Variants in NCALD observed in about 807,000 individuals in gnomAD.
NCALD encodes the protein neurocalcin-delta.
In NCALD, 10 loss-of-function variants were observed where a neutral mutation model predicts 18.6. The ratio of observed to expected loss-of-function variants is 0.54; its 90% CI spans 0.33 to 0.91. The LOEUF (loss-of-function observed/expected upper bound fraction) is 0.91, where lower values mean the gene tolerates loss of function less well. Ranked by LOEUF, NCALD falls within the 40% of genes least tolerant of loss-of-function variation. The pLI, the probability that NCALD is intolerant of heterozygous loss-of-function variation, is 0.03. For synonymous variants in NCALD, 88 were observed against 87.4 expected (o/e 1.01, Z -0.04); for missense variants, 184 against 247.6 (o/e 0.74, Z 1.72).
chr8:101,806,136 G>A (rs1813092025), intron 4 of NCALD, among the ~76,000 whole-genome samples: 1 of 152,022 alleles, frequency 6.6e-6, no homozygotes. Context: ...TTGCAGTGTA[G>A]GGAAAATAGA....
At chr8:102,062,652 T>C (rs1167372300) in intron 1 of NCALD, among the ~76,000 whole-genome samples, 2 of 152,244 alleles carry the variant, frequency 1.3e-5, no homozygotes, top group Non-Finnish European at 2.9e-5. Context: ...GATCTGTCGG[T>C]TGGCTAGAGT....
chr8:101,999,094 A>G (rs1436543456), intron 2 of NCALD, among the ~76,000 whole-genome samples: 1 of 145,398 alleles, frequency 6.9e-6, no homozygotes, highest in Non-Finnish European at 1.5e-5. Context: ...AAAAAAAAAA[A>G]AGCCCAAGAA....
At chr8:101,977,416 G>A (rs1820464197) in intron 2 of NCALD, among the ~76,000 whole-genome samples, 1 of 149,260 alleles carries the variant, frequency 6.7e-6, no homozygotes, top group Non-Finnish European at 1.5e-5. Flanking sequence ...CCATCCCTTA[G>A]GACATTTTTG....
intron 1 of NCALD, among the ~76,000 whole-genome samples, chr8:102,086,452 A>G (rs774055894): frequency 4.6e-5 from 7 of 152,134 alleles, no homozygotes; most frequent in Non-Finnish European, 8.8e-5. Context: ...ACACATCTAT[A>G]CCATCATTAT....
chr8:101,929,579 G>A (rs1818490333), intron 2 of NCALD, among the ~76,000 whole-genome samples: 1 of 75,108 alleles, frequency 1.3e-5, no homozygotes, highest in Non-Finnish European at 2.7e-5. Flanking sequence ...GAAGGAGGGA[G>A]GGAAGGAAGG....
intron 2 of NCALD, among the ~76,000 whole-genome samples, chr8:101,925,367 A>G (rs1310766734): frequency 6.6e-6 from 1 of 152,080 alleles, no homozygotes; most frequent in African/African-American, 2.4e-5. Flanking sequence ...TAAGGTGCTC[A>G]CTTCAGAAGG....
intron 4 of NCALD, among the ~76,000 whole-genome samples, chr8:101,832,904 C>T (rs929972518): frequency 6.6e-6 from 1 of 152,224 alleles, no homozygotes; most frequent in African/African-American, 2.4e-5. Context: ...GTCCACCAGG[C>T]AAGTCTTTCC....
At chr8:102,071,863 T>C (rs565855906) in intron 1 of NCALD, among the ~76,000 whole-genome samples, 1 of 152,268 alleles carries the variant, frequency 6.6e-6, no homozygotes, top group South Asian at 2.1e-4. Flanking sequence ...TGGCAAGATA[T>C]ACAATGAACA....
intron 1 of NCALD, among the ~76,000 whole-genome samples, chr8:102,044,932 T>C: frequency 6.6e-6 from 1 of 152,086 alleles, no homozygotes; most frequent in East Asian, 1.9e-4. Flanking sequence ...AATGCATTAG[T>C]AGGTGGGAAG....
chr8:101,798,246 T>C (rs1812714202), intron 4 of NCALD, among the ~76,000 whole-genome samples: 1 of 152,178 alleles, frequency 6.6e-6, no homozygotes, highest in Admixed American at 6.5e-5. Context: ...TGATTATCTA[T>C]ATAGGAAACC....
At chr8:101,931,503 G>A (rs1018193820) in intron 2 of NCALD, among the ~76,000 whole-genome samples, 1 of 152,166 alleles carries the variant, frequency 6.6e-6, no homozygotes, top group African/African-American at 2.4e-5. Context: ...TAAAACGTGT[G>A]CATGACTCCA....
intron 4 of NCALD, among the ~76,000 whole-genome samples, chr8:101,849,009 T>C (rs1030175096): frequency 6.6e-6 from 1 of 152,184 alleles, no homozygotes; most frequent in Non-Finnish European, 1.5e-5. Flanking sequence ...ATATACACCA[T>C]GGAATACTAT....
chr8:101,777,986 T>C (rs1034352433), intron 1 of NCALD, among the ~76,000 whole-genome samples: 9 of 152,180 alleles, frequency 5.9e-5, no homozygotes, highest in African/African-American at 1.7e-4. Context: ...TCTGGAGCCA[T>C]AGGGAGAAGG....
chr8:101,855,749 TA>T (rs1815292184), intron 4 of NCALD, among the ~76,000 whole-genome samples: 1 of 151,868 alleles, frequency 6.6e-6, no homozygotes, highest in South Asian at 2.1e-4. Flanking sequence ...ACATAAGACA[TA>T]AATCAGAGGG....
chr8:101,819,795 TAC>T (rs1813647357), intron 4 of NCALD, among the ~76,000 whole-genome samples: 1 of 152,300 alleles, frequency 6.6e-6, no homozygotes, highest in Middle Eastern at 3.4e-3. Flanking sequence ...GCGGCGGTGG[TAC>T]AGAGTGAAGA....
In NCALD at chr8:102,003,064, A is replaced by T. The variant is rs936488463; in HGVS notation, c.-157+17173T>A. On this transcript the variant is annotated intron_variant, in intron 2 of 6. Transcript: ENST00000311028. ...GAAGGAAACAGAGACACAAAAAAAA[A>T]CCTTCAAAAAATCAATGAATCCAGG... Among the ~76,000 whole-genome samples the T allele has an allele frequency of 8.4e-4, 128 of 152,202 alleles. 2 individuals carry two copies. Among genetic ancestry groups the T allele is most frequent in the African/African-American group, 3.0e-3 (125 of 41,554 alleles).
At chr8:101,924,838 G>A (rs1474557039) in intron 2 of NCALD, among the ~76,000 whole-genome samples, 2 of 152,118 alleles carry the variant, frequency 1.3e-5, no homozygotes, top group African/African-American at 2.4e-5. Flanking sequence ...TTTAAATAAG[G>A]ATTCATCTAG....
chr8:101,943,265 C>T (rs763761314), intron 2 of NCALD, among the ~76,000 whole-genome samples: 4 of 152,244 alleles, frequency 2.6e-5, no homozygotes, highest in Non-Finnish European at 4.4e-5. Context: ...CCCACCAAGG[C>T]TGCCATCCTA....
chr8:101,996,530 C>A (rs953992141), intron 2 of NCALD, among the ~76,000 whole-genome samples: 2 of 152,208 alleles, frequency 1.3e-5, no homozygotes, highest in African/African-American at 2.4e-5. Flanking sequence ...TTTTACTCTG[C>A]AGGTAACAAC....
Sources: allele counts gnomAD v4.1 joint callset (sites outside exome capture counted in the v4.1 genomes callset), GRCh38; gene constraint gnomAD v4.1.1; transcripts MANE v1.5; gene names NCBI Gene and HGNC (gene_info 2026-07-23, HGNC 2026-07-21).